The following PAPPA2 variants were observed in gnomAD, a reference collection of about 807,000 sequenced individuals.
PAPPA2 encodes the protein pappalysin-2.
A neutral mutation model predicts 176.4 loss-of-function variants in PAPPA2; 86 were observed. The ratio of observed to expected loss-of-function variants is 0.49; its 90% CI spans 0.41 to 0.58. The LOEUF (loss-of-function observed/expected upper bound fraction) is 0.58. Ranked by LOEUF, PAPPA2 falls within the 20% of genes least tolerant of loss-of-function variation. PAPPA2 has a pLI of 0.00. For synonymous variants in PAPPA2, 809 were observed against 852.2 expected (o/e 0.95, Z 0.88); for missense variants, 2,073 against 2,256.9 (o/e 0.92, Z 1.65).
intron 12 of PAPPA2, among the ~76,000 whole-genome samples, chr1:176,731,297 A>G (rs1662128705): frequency 6.6e-6 from 1 of 151,714 alleles, no homozygotes. Context: ...CACGTTGTAC[A>G]CTGTAAATAT....
chr1:176,556,264 C>T lies in PAPPA2; in HGVS notation c.-59C>T. Reference sequence around the variant, plus strand: ...AGCTGCCTCTTTCTCGTCTGCCCATCACTCTGGTGTGGTACCCAGAAGTTG... The same window carrying T: ...AGCTGCCTCTTTCTCGTCTGCCCATTACTCTGGTGTGGTACCCAGAAGTTG... On this transcript the variant is annotated 5_prime_UTR_variant, in exon 2 of 23. Transcript: ENST00000367662. 6.5e-7 allele frequency: 1 copy of T among 1,532,124 alleles called. No individual in the cohort carries two copies. The highest frequency in any genetic ancestry group is 8.8e-7 in the Non-Finnish European group (1 of 1,131,668). 94.9% of individuals were successfully genotyped at this position (1,532,124 alleles called of 1,614,324 possible).
chr1:176,638,939 C>CGTGTGT (rs34264749), intron 3 of PAPPA2, among the ~76,000 whole-genome samples: 4,381 of 143,094 alleles, frequency 0.031, 86 homozygotes, highest in South Asian at 0.1. Flanking sequence ...TGTGCATGTG[C>CGTGTGT]GTGTGTGTGT....
chr1:176,727,159 A>G (rs967103183), intron 12 of PAPPA2, among the ~76,000 whole-genome samples: 1 of 152,218 alleles, frequency 6.6e-6, no homozygotes, highest in South Asian at 2.1e-4. Context: ...AGAGGAACTA[A>G]GAAATGAATA....
At chr1:176,811,089 G>T (rs1666128763) in intron 21 of PAPPA2, among the ~76,000 whole-genome samples, 1 of 152,162 alleles carries the variant, frequency 6.6e-6, no homozygotes, top group South Asian at 2.1e-4. Context: ...AGGCTTGAAA[G>T]TATAATCACA....
intron 14 of PAPPA2, among the ~76,000 whole-genome samples, chr1:176,755,814 G>A (rs1663388403): frequency 6.6e-6 from 1 of 152,130 alleles, no homozygotes; most frequent in Non-Finnish European, 1.5e-5. Context: ...AAAGCCTGCT[G>A]TTGACTGGAA....
At chr1:176,839,556 A>C (rs1465089479) in intron 21 of PAPPA2, among the ~76,000 whole-genome samples, 1 of 152,094 alleles carries the variant, frequency 6.6e-6, no homozygotes, top group African/African-American at 2.4e-5. Context: ...CCCGAGCACC[A>C]CTGCGGGCTG....
In PAPPA2 at chr1:176,844,825, G is replaced by A. The variant is rs1331970570; in HGVS notation, c.*2371G>A. 1 of 152,162 alleles carries A rather than the reference G, an allele frequency of 6.6e-6. No homozygotes were observed. Among genetic ancestry groups the A allele is most frequent in the Non-Finnish European group, 1.5e-5 (1 of 68,018 alleles). 9.4% of individuals were successfully genotyped at this position (152,162 alleles called of 1,614,324 possible). On this transcript the variant is annotated 3_prime_UTR_variant, in exon 23 of 23. Coordinates refer to ENST00000367662, the MANE Select transcript of PAPPA2 (RefSeq NM_020318.3). ...TCAGCTCAGGAACATGGAGCCTGTG[G>A]TTCATGCCAGTGTGTGTCTTCATGC... is the stretch of plus-strand genomic sequence containing the variant.
chr1:176,559,519 C>T (rs1419817755), intron 2 of PAPPA2, among the ~76,000 whole-genome samples: 1 of 152,200 alleles, frequency 6.6e-6, no homozygotes, highest in African/African-American at 2.4e-5. Flanking sequence ...ACTCACTGTG[C>T]TTAGCTGCTT....
intron 8 of PAPPA2, among the ~76,000 whole-genome samples, chr1:176,702,333 T>G (rs1571199194): frequency 2.0e-5 from 3 of 152,242 alleles, no homozygotes; most frequent in Admixed American, 2.0e-4. Context: ...CTTCCTAGAT[T>G]AACTGGGACT....
chr1:176,673,345 A>T (rs1344135050), intron 4 of PAPPA2, among the ~76,000 whole-genome samples: 1 of 152,158 alleles, frequency 6.6e-6, no homozygotes, highest in Non-Finnish European at 1.5e-5. Flanking sequence ...AATAGTGAGT[A>T]TGGGTGTTTT....
intron 17 of PAPPA2, among the ~76,000 whole-genome samples, chr1:176,784,590 C>CA (rs1664851103): frequency 7.0e-6 from 1 of 142,338 alleles, no homozygotes; most frequent in Non-Finnish European, 1.5e-5. Flanking sequence ...AGATGATTCT[C>CA]TTTTTTTTTT....
At chr1:176,591,340 G>T (rs1253637678) in intron 2 of PAPPA2, among the ~76,000 whole-genome samples, 1 of 152,126 alleles carries the variant, frequency 6.6e-6, no homozygotes, top group Non-Finnish European at 1.5e-5. Flanking sequence ...GGGCAGATTT[G>T]GATGGTGGAT....
chr1:176,613,776 G>A (rs945873831), intron 3 of PAPPA2, among the ~76,000 whole-genome samples: 1 of 152,064 alleles, frequency 6.6e-6, no homozygotes, highest in African/African-American at 2.4e-5. Flanking sequence ...GTGTGAAGAG[G>A]GTATGAAGAA....
intron 1 of PAPPA2, among the ~76,000 whole-genome samples, chr1:176,552,336 C>G (rs1040764699): frequency 6.6e-6 from 1 of 151,056 alleles, no homozygotes; most frequent in Non-Finnish European, 1.5e-5. Flanking sequence ...CTCCCCTCCC[C>G]CTCGCCTTGC....
Position 176,520,358 on chromosome 1 carries a change from G to T in PAPPA2, c.-916-35049G>T, listed in dbSNP as rs1649144416. Reference sequence around the variant, plus strand: ...ATTCTTGAACTACCCCAATTCAGTTGGGTTTGGAAACCTGACTTACTGGAA... The same window carrying T: ...ATTCTTGAACTACCCCAATTCAGTTTGGTTTGGAAACCTGACTTACTGGAA... On this transcript the variant is annotated intron_variant, in intron 1 of 22. Transcript: ENST00000367662. 2.0e-5 allele frequency among the ~76,000 whole-genome samples: 3 copies of T among 152,070 alleles called. 1 individual carries two copies. The highest frequency in any genetic ancestry group is 2.0e-4 in the Admixed American group (3 of 15,272).
At chr1:176,506,862 C>G (rs895654762) in intron 1 of PAPPA2, among the ~76,000 whole-genome samples, 2 of 152,054 alleles carry the variant, frequency 1.3e-5, no homozygotes, top group Non-Finnish European at 1.5e-5. Context: ...CTACAAAATG[C>G]CCCTCTTGAC....
At position 176,770,998 on chromosome 1, in the gene PAPPA2, T is replaced by C. The variant is rs543259136; in HGVS notation, c.4533T>C (p.Asp1511=). ...GLSPWLTCLE[D]GLWSLPEVYC... is the part of the protein sequence containing the mutation. ...GCCCATGGCTGACATGTCTTGAAGA[T>C]GGTCTCTGGTCTCTCCCTGAAGTCT... The change falls in exon 17 of 23, where the codon GAT becomes GAC. Residue 1511 remains aspartate (D), a synonymous_variant. Coordinates refer to ENST00000367662, the MANE Select transcript of PAPPA2 (RefSeq NM_020318.3). 1.2e-5 allele frequency: 20 copies of C among 1,614,202 alleles called. No individual in the cohort carries two copies. In the East Asian group the frequency reaches 4.0e-4, roughly 32 times the overall value.
chr1:176,606,035 C>A (rs975690798), intron 3 of PAPPA2, among the ~76,000 whole-genome samples: 1 of 151,788 alleles, frequency 6.6e-6, no homozygotes, highest in Non-Finnish European at 1.5e-5. Flanking sequence ...AGTGAAGTAC[C>A]TGGTTCATAG....
At chr1:176,749,330 AG>A (rs1170709951) in intron 14 of PAPPA2, among the ~76,000 whole-genome samples, 12 of 152,182 alleles carry the variant, frequency 7.9e-5, no homozygotes, top group African/African-American at 2.9e-4. Flanking sequence ...ATTGAAAGGA[AG>A]GTACAGAGAT....
Sources: allele counts gnomAD v4.1 joint callset (sites outside exome capture counted in the v4.1 genomes callset), GRCh38; gene constraint gnomAD v4.1.1; transcripts MANE v1.5; gene names NCBI Gene and HGNC (gene_info 2026-07-23, HGNC 2026-07-21).